Variants in BANK1 observed in about 807,000 individuals in gnomAD.
The protein encoded by BANK1 is B-cell scaffold protein with ankyrin repeats.
BANK1 carries 95 observed loss-of-function variants against 94.5 expected under a neutral mutation model. That is an observed-to-expected ratio of 1.00 (90% CI 0.85 to 1.19). The LOEUF (loss-of-function observed/expected upper bound fraction) is 1.19. Ranked by LOEUF, BANK1 falls within the 50% of genes most tolerant of loss-of-function variation. The pLI is 0.00. For missense variants in BANK1, 987 were observed against 932.2 expected (o/e 1.06, Z -0.77); for synonymous variants, 334 against 308.4 (o/e 1.08, Z -0.87).
At chr4:101,850,321 G>A in intron 2 of BANK1, among the ~76,000 whole-genome samples, 1 of 152,106 alleles carries the variant, frequency 6.6e-6, no homozygotes, top group East Asian at 1.9e-4. Context: ...ACCCAGGCTG[G>A]AGTACAGTGG....
chr4:102,051,058 G>A (rs1005488662), intron 11 of BANK1, among the ~76,000 whole-genome samples: 1 of 152,102 alleles, frequency 6.6e-6, no homozygotes, highest in Non-Finnish European at 1.5e-5. Flanking sequence ...TATCCTTTCT[G>A]TGTTCTATAA....
chr4:101,852,430 A>G (rs1727513186), intron 2 of BANK1, among the ~76,000 whole-genome samples: 1 of 145,486 alleles, frequency 6.9e-6, no homozygotes, highest in Admixed American at 7.0e-5. Flanking sequence ...TAAATTACAC[A>G]TGACCCACAA....
At chr4:102,004,388 T>C (rs547852683) in intron 7 of BANK1, among the ~76,000 whole-genome samples, 1 of 152,332 alleles carries the variant, frequency 6.6e-6, no homozygotes, top group Non-Finnish European at 1.5e-5. Flanking sequence ...AATTTGCACA[T>C]GACAAAGAAA....
intron 3 of BANK1, among the ~76,000 whole-genome samples, chr4:101,857,758 A>G (rs1727729934): frequency 1.3e-5 from 2 of 152,112 alleles, no homozygotes. Flanking sequence ...TGTCCTATTT[A>G]TGTAAGTTAA....
intron 1 of BANK1, among the ~76,000 whole-genome samples, chr4:101,807,138 A>G (rs1725579997): frequency 6.6e-6 from 1 of 152,334 alleles, no homozygotes; most frequent in South Asian, 2.1e-4. Context: ...GTCCCCTGGG[A>G]CAGTGCTTTG....
intron 7 of BANK1, among the ~76,000 whole-genome samples, chr4:101,936,090 CAAT>C (rs1436422655): frequency 6.6e-6 from 1 of 151,130 alleles, no homozygotes; most frequent in Non-Finnish European, 1.5e-5. Context: ...GCAAAGGAAA[CAAT>C]AAGCAAAGTG....
At chr4:101,807,473 A>G (rs1725594666) in intron 1 of BANK1, among the ~76,000 whole-genome samples, 2 of 152,148 alleles carry the variant, frequency 1.3e-5, no homozygotes, top group South Asian at 4.2e-4. Flanking sequence ...CCTGGAAGTC[A>G]TCAGGATTGG....
At chr4:101,843,449 G>A (rs543386543) in intron 2 of BANK1, among the ~76,000 whole-genome samples, 2 of 152,114 alleles carry the variant, frequency 1.3e-5, no homozygotes, top group African/African-American at 4.8e-5. Context: ...ATTGTTAATT[G>A]AAACATTAGT....
rs1240579637 is a variant in BANK1 at position 101,926,809 on chromosome 4, A to T, written c.1206+8620A>T. ...CTATGAAAGAGAAATTCATGCATTTATATGGACAGGTATTCCAATAAGAGA... is the reference window on the plus strand; with the variant it reads ...CTATGAAAGAGAAATTCATGCATTTTTATGGACAGGTATTCCAATAAGAGA... On this transcript the variant is annotated intron_variant, in intron 7 of 16. Coordinates refer to ENST00000322953, the MANE Select transcript of BANK1 (RefSeq NM_017935.5). 3.3e-5 allele frequency among the ~76,000 whole-genome samples: 5 copies of T among 151,896 alleles called. No individual in the cohort carries two copies. In the East Asian group the frequency reaches 9.8e-4, roughly 30 times the overall value.
chr4:101,969,898 A>T (rs1047298862), intron 7 of BANK1, among the ~76,000 whole-genome samples: 4 of 152,072 alleles, frequency 2.6e-5, no homozygotes, highest in African/African-American at 9.7e-5. Flanking sequence ...CAGTAAAATT[A>T]TTTATTATTT....
At chr4:101,829,468 G>T (rs1361345492) in intron 1 of BANK1, among the ~76,000 whole-genome samples, 1 of 150,026 alleles carries the variant, frequency 6.7e-6, no homozygotes, top group African/African-American at 2.4e-5. Context: ...TTTTCTTTTG[G>T]GCCAGAAATT....
chr4:102,005,251 T>C (rs866466502), intron 7 of BANK1, among the ~76,000 whole-genome samples: 15 of 152,136 alleles, frequency 9.9e-5, no homozygotes, highest in African/African-American at 3.4e-4. Flanking sequence ...GACAATAATC[T>C]ATGAATTCTC....
At position 102,064,646 on chromosome 4, in the gene BANK1, A is replaced by T. The variant is rs377314756; in HGVS notation, c.2212+1508A>T. Among the ~76,000 whole-genome samples, 14 of 152,370 alleles carry T rather than the reference A, an allele frequency of 9.2e-5. No individual in the cohort carries two copies. The South Asian group carries it at 1.4e-3, about 16-fold the overall frequency. On this transcript the variant is annotated intron_variant, in intron 13 of 16. Transcript: ENST00000322953. ...TTAGTTCTCCTTTCAGCCGCACTGG[A>T]ATAAATAATACTACACAAATCTTTC...
At chr4:101,962,283 C>T (rs1411546924) in intron 7 of BANK1, among the ~76,000 whole-genome samples, 1 of 152,112 alleles carries the variant, frequency 6.6e-6, no homozygotes, top group Non-Finnish European at 1.5e-5. Flanking sequence ...ACCAAGTTTT[C>T]CCCCATTGAC....
chr4:102,050,342 C>A (rs1728005707), intron 11 of BANK1, among the ~76,000 whole-genome samples: 1 of 152,100 alleles, frequency 6.6e-6, no homozygotes, highest in Non-Finnish European at 1.5e-5. Flanking sequence ...GCACATCCAC[C>A]CTAACCAACT....
At chr4:102,047,633 G>C (rs1272710914) in intron 11 of BANK1, among the ~76,000 whole-genome samples, 1 of 152,034 alleles carries the variant, frequency 6.6e-6, no homozygotes, top group African/African-American at 2.4e-5. Flanking sequence ...AGATTTTTGG[G>C]AGAAAAATCC....
chr4:101,960,400 C>T (rs727086), intron 7 of BANK1, among the ~76,000 whole-genome samples: 123,536 of 151,988 alleles, frequency 0.81, 50,721 homozygotes, highest in Non-Finnish European at 0.88. Flanking sequence ...CACTGAGAGA[C>T]TTTTGTCACT....
At chr4:101,847,681 G>A (rs184033484) in intron 2 of BANK1, among the ~76,000 whole-genome samples, 343 of 151,212 alleles carry the variant, frequency 2.3e-3, no homozygotes, top group African/African-American at 7.6e-3. Context: ...TCTCATCCAG[G>A]TCACTGCAAA....
chr4:101,980,032 A>G (rs1378671382), intron 7 of BANK1, among the ~76,000 whole-genome samples: 1 of 151,816 alleles, frequency 6.6e-6, no homozygotes, highest in Non-Finnish European at 1.5e-5. Flanking sequence ...ATTTTGAAAA[A>G]TTCTCTAGAT....
Sources: gnomAD v4.1 joint callset for allele counts (sites outside exome capture counted in the v4.1 genomes callset) on GRCh38, gnomAD v4.1.1 for gene constraint, MANE v1.5 for transcripts, NCBI Gene and HGNC (gene_info 2026-07-23, HGNC 2026-07-21) for gene names.